The following COG5 variants were observed in gnomAD, a reference collection of about 807,000 sequenced individuals.
COG5 encodes the protein component of oligomeric golgi complex 5, also known as conserved oligomeric Golgi complex subunit 5.
COG5 carries 86 observed loss-of-function variants against 110.4 expected under a neutral mutation model. The observed-to-expected ratio is 0.78, with a 90% CI of 0.65 to 0.93. The LOEUF is 0.93. COG5 is among the 40% of genes least tolerant of loss of function. The pLI is 0.00. For synonymous variants in COG5, 360 were observed against 334.6 expected, an observed-to-expected ratio of 1.08 and a Z score of -0.83; for missense variants, 1,077 against 987.0, an observed-to-expected ratio of 1.09 and a Z score of -1.22.
chr7:107,297,498 G>T (rs969235804), intron 12 of COG5, among the ~76,000 whole-genome samples: 1 of 140,274 alleles, frequency 7.1e-6, no homozygotes, highest in Non-Finnish European at 1.5e-5. Context: ...GCCCAGGCTG[G>T]AGTGCAGTGA....
chr7:107,370,283 A>G (rs1182532698), intron 8 of COG5, among the ~76,000 whole-genome samples: 1 of 152,112 alleles, frequency 6.6e-6, no homozygotes, highest in African/African-American at 2.4e-5. Context: ...TATTTTTAAA[A>G]TTTTGAAATA....
intron 6 of COG5, among the ~76,000 whole-genome samples, chr7:107,437,015 C>T (rs1038068478): frequency 1.3e-5 from 2 of 152,106 alleles, no homozygotes; most frequent in African/African-American, 2.4e-5. Flanking sequence ...CATGTATTGA[C>T]CAAGTCAAAA....
chr7:107,304,508 G>A (rs796911778), intron 11 of COG5, among the ~76,000 whole-genome samples: 13 of 152,328 alleles, frequency 8.5e-5, no homozygotes, highest in African/African-American at 3.1e-4. Context: ...AGGGGGTCTA[G>A]GTTTGGAGTT....
chr7:107,285,013 C>A (rs1805506762), intron 12 of COG5, among the ~76,000 whole-genome samples: 1 of 152,178 alleles, frequency 6.6e-6, no homozygotes, highest in African/African-American at 2.4e-5. Flanking sequence ...GATCAGAATG[C>A]TCTTGGCTCC....
intron 10 of COG5, among the ~76,000 whole-genome samples, chr7:107,351,402 AG>A (rs779890006): frequency 3.3e-5 from 5 of 152,222 alleles, no homozygotes; most frequent in Non-Finnish European, 5.9e-5. Flanking sequence ...GGCATGGGCA[AG>A]GACTTCATGT....
At chr7:107,302,432 A>G (rs1358968270) in intron 11 of COG5, among the ~76,000 whole-genome samples, 1 of 152,178 alleles carries the variant, frequency 6.6e-6, no homozygotes, top group Non-Finnish European at 1.5e-5. Flanking sequence ...GCAGTGATGA[A>G]TATGTTCACT....
chr7:107,370,941 C>G (rs1003600861), intron 8 of COG5, among the ~76,000 whole-genome samples: 1 of 151,544 alleles, frequency 6.6e-6, no homozygotes, highest in Admixed American at 6.6e-5. Context: ...TTTTTTAATT[C>G]TCTCAACAAA....
intron 14 of COG5, among the ~76,000 whole-genome samples, chr7:107,274,109 G>A (rs1286935902): frequency 6.6e-6 from 1 of 152,096 alleles, no homozygotes; most frequent in African/African-American, 2.4e-5. Flanking sequence ...TAGGATTCAA[G>A]TAGGGAGCGT....
chr7:107,278,934 A>G (rs943261127), intron 14 of COG5, among the ~76,000 whole-genome samples: 5 of 152,226 alleles, frequency 3.3e-5, no homozygotes, highest in Admixed American at 6.5e-5. Flanking sequence ...AAAATTGACA[A>G]ATGGGATCTA....
At chr7:107,338,695 G>A (rs1810916443) in intron 10 of COG5, among the ~76,000 whole-genome samples, 1 of 151,968 alleles carries the variant, frequency 6.6e-6, no homozygotes, top group Non-Finnish European at 1.5e-5. Context: ...CCTACAGAAT[G>A]GGATAAAATA....
chr7:107,212,274 C>G (rs1162191258), intron 19 of COG5, among the ~76,000 whole-genome samples: 1 of 152,142 alleles, frequency 6.6e-6, no homozygotes, highest in African/African-American at 2.4e-5. Flanking sequence ...ACTGGGGAAG[C>G]ATTTCAGTCA....
chr7:107,372,525 T>C lies in COG5; in HGVS notation c.835+70A>G. ...TTAGATTGCTTTGAAACATGAGTGT[T>C]TCACATACTATTCAAAAGACTTCTC... On this transcript the variant is annotated intron_variant, in intron 8 of 21. Transcript: ENST00000297135. The C allele has an allele frequency of 2.0e-6, 3 of 1,470,166 alleles. No individual in the cohort carries two copies. The South Asian group carries it at 3.4e-5, about 17-fold the overall frequency. 91.1% of individuals were successfully genotyped at this position (1,470,166 alleles called of 1,614,324 possible). A position where few individuals can be genotyped will look rare whatever the true frequency, so the allele number is the denominator to read the frequency against.
chr7:107,549,652 T>C (rs1802745804), intron 3 of COG5, among the ~76,000 whole-genome samples: 1 of 151,902 alleles, frequency 6.6e-6, no homozygotes, highest in South Asian at 2.1e-4. Context: ...TCCACCCACC[T>C]TGGCCTCCGA....
chr7:107,456,832 T>C (rs925544050), intron 6 of COG5, among the ~76,000 whole-genome samples: 1 of 152,164 alleles, frequency 6.6e-6, no homozygotes, highest in Non-Finnish European at 1.5e-5. Context: ...GGAGATACCA[T>C]TAAATAACAG....
chr7:107,342,941 G>A (rs114016132), intron 10 of COG5, among the ~76,000 whole-genome samples: 2,247 of 152,192 alleles, frequency 0.015, 54 homozygotes, highest in African/African-American at 0.052. Context: ...AGTGCTATTC[G>A]CAATAGCAAA....
chr7:107,520,407 C>G (rs1328284595), intron 6 of COG5, among the ~76,000 whole-genome samples: 1 of 152,102 alleles, frequency 6.6e-6, no homozygotes, highest in Admixed American at 6.5e-5. Flanking sequence ...ATAGTCTCAG[C>G]CCAAAAACTC....
intron 6 of COG5, among the ~76,000 whole-genome samples, chr7:107,524,543 CATGTGT>C (rs1800587853): frequency 6.6e-6 from 1 of 152,198 alleles, no homozygotes; most frequent in Admixed American, 6.5e-5. Context: ...ATTTAGTGTA[CATGTGT>C]ATAACTGTAA....
chr7:107,499,313 A>G (rs1322691886), intron 6 of COG5, among the ~76,000 whole-genome samples: 1 of 152,110 alleles, frequency 6.6e-6, no homozygotes, highest in Non-Finnish European at 1.5e-5. Context: ...CGTACTTACC[A>G]TTCTAAAATT....
intron 6 of COG5, among the ~76,000 whole-genome samples, chr7:107,504,321 A>G (rs1469221390): frequency 6.6e-6 from 1 of 152,140 alleles, no homozygotes; most frequent in African/African-American, 2.4e-5. Context: ...CATATGTTAA[A>G]TCATCCCTGC....
Sources: allele counts gnomAD v4.1 joint callset (sites outside exome capture counted in the v4.1 genomes callset), GRCh38; gene constraint gnomAD v4.1.1; transcripts MANE v1.5; gene names NCBI Gene and HGNC (gene_info 2026-07-23, HGNC 2026-07-21).